The following CMIP variants were observed in gnomAD, a reference collection of about 807,000 sequenced individuals.
CMIP encodes the protein c-Maf inducing protein.
In CMIP, 13 loss-of-function variants were observed where a neutral mutation model predicts 97.3. The observed-to-expected ratio is 0.13, with a 90% CI of 0.09 to 0.21. The LOEUF (loss-of-function observed/expected upper bound fraction) is 0.21. CMIP is among the 10% of genes least tolerant of loss of function. The pLI is 1.00. For synonymous variants in CMIP, 538 were observed against 436.3 expected, an observed-to-expected ratio of 1.23 and a Z score of -2.91; for missense variants, 847 against 1,024.9, an observed-to-expected ratio of 0.83 and a Z score of 2.37.
intron 18 of CMIP, among the ~76,000 whole-genome samples, chr16:81,705,096 C>G (rs1907980687): frequency 6.6e-6 from 1 of 152,138 alleles, no homozygotes; most frequent in Admixed American, 6.5e-5. Flanking sequence ...AGGTTCTACC[C>G]TCACCCTAAT....
rs1028468217 is a variant in CMIP at position 81,645,438 on chromosome 16, A to T, written c.478-6765A>T. On this transcript the variant is annotated intron_variant, in intron 3 of 20. Transcript: ENST00000537098. ...CCCCTGCCTGGCGCGACGTGCTTCC[A>T]GTGCATTCTGAGTCACTCCTCTCCT... 1.8e-5 allele frequency: 27 copies of T among 1,510,300 alleles called. No individual in the cohort carries two copies. In the Admixed American group the frequency reaches 3.4e-4, roughly 19 times the overall value. 93.6% of individuals were successfully genotyped at this position (1,510,300 alleles called of 1,614,324 possible).
At chr16:81,697,604 G>A (rs1018477246) in intron 14 of CMIP, 1 of 152,222 alleles carries the variant, frequency 6.6e-6, no homozygotes, top group African/African-American at 2.4e-5. Flanking sequence ...TTGGCCTCTC[G>A]AGGTTACCGC....
At chr16:81,456,969 G>T (rs550089184) in intron 1 of CMIP, among the ~76,000 whole-genome samples, 2 of 152,254 alleles carry the variant, frequency 1.3e-5, no homozygotes, top group Admixed American at 1.3e-4. Flanking sequence ...TGAACCTGGG[G>T]TGGTCACCTC....
intron 7 of CMIP, among the ~76,000 whole-genome samples, chr16:81,669,780 C>T (rs1026281805): frequency 6.6e-6 from 1 of 152,132 alleles, no homozygotes; most frequent in African/African-American, 2.4e-5. Context: ...CTCTCACACA[C>T]CTCCTTCCAC....
intron 1 of CMIP, among the ~76,000 whole-genome samples, chr16:81,471,867 A>C (rs1907579769): frequency 6.6e-6 from 1 of 152,222 alleles, no homozygotes; most frequent in African/African-American, 2.4e-5. Flanking sequence ...GGGAGGACTC[A>C]CGTCCTGGAC....
intron 1 of CMIP, among the ~76,000 whole-genome samples, chr16:81,473,561 G>A (rs558235073): frequency 2.1e-5 from 3 of 145,482 alleles, no homozygotes; most frequent in South Asian, 2.1e-4. Context: ...AGCAGTTCCT[G>A]TCCTTTTGGT....
chr16:81,652,657 GGC>G lies in CMIP; in HGVS notation c.639+294_639+295del, dbSNP rs1280935122. Among the ~76,000 whole-genome samples the G allele has an allele frequency of 1.3e-5, 2 of 152,278 alleles. No homozygotes were observed. Among genetic ancestry groups the G allele is most frequent in the East Asian group, 3.9e-4 (2 of 5,186 alleles). ...CCCATCTCTGTCTTCCCCTAGCAGT[GGC>G]CCACATGAGCTCCAGGGGTCCAGGG... On this transcript the variant is annotated intron_variant, in intron 4 of 20. Coordinates refer to ENST00000537098, the MANE Select transcript of CMIP (RefSeq NM_198390.3). The surrounding 1 kb of genome is among the most constrained non-coding windows in gnomAD (Gnocchi z 5.2).
intron 1 of CMIP, among the ~76,000 whole-genome samples, chr16:81,572,557 G>A (rs1032100292): frequency 2.0e-5 from 3 of 152,194 alleles, no homozygotes; most frequent in African/African-American, 7.2e-5. Context: ...CTTCCCTGAC[G>A]GGAGTTAGGC....
At chr16:81,545,547 G>T (rs2090529648) in intron 1 of CMIP, among the ~76,000 whole-genome samples, 1 of 152,172 alleles carries the variant, frequency 6.6e-6, no homozygotes, top group Admixed American at 6.5e-5. Flanking sequence ...AGCTTATGTG[G>T]CGAGCTCCAG....
At chr16:81,598,823 T>C (rs2091607317) in intron 1 of CMIP, among the ~76,000 whole-genome samples, 1 of 151,908 alleles carries the variant, frequency 6.6e-6, no homozygotes, top group South Asian at 2.1e-4. Context: ...ACAAAAATTA[T>C]CTGGGCGTGG....
At position 81,494,806 on chromosome 16, in the gene CMIP, A is replaced by T. The variant is rs186341906; in HGVS notation, c.300+49265A>T. Among the ~76,000 whole-genome samples the T allele has an allele frequency of 3.7e-3, 561 of 152,332 alleles. 5 individuals are homozygous for T. Among genetic ancestry groups the T allele is most frequent in the African/African-American group, 0.013 (521 of 41,578 alleles). ...CCCAAACAACTCTGAATCTCTTTTC[A>T]TCATGAATATTATTAATAACAATAA... is the stretch of plus-strand genomic sequence containing the variant. On this transcript the variant is annotated intron_variant, in intron 1 of 20. Coordinates refer to ENST00000537098, the MANE Select transcript of CMIP (RefSeq NM_198390.3).
chr16:81,666,170 G>A (rs566621843), intron 7 of CMIP: 1 of 152,220 alleles, frequency 6.6e-6, no homozygotes, highest in Admixed American at 6.5e-5. Flanking sequence ...AAGGAAAGGT[G>A]CCCTGTTTGT....
chr16:81,673,061 A>T (rs2092697492), intron 9 of CMIP, among the ~76,000 whole-genome samples: 1 of 152,192 alleles, frequency 6.6e-6, no homozygotes. Context: ...GTGGGGTAGC[A>T]AGTGACCGGA....
intron 7 of CMIP, chr16:81,667,203 G>A (rs1128658): frequency 0.084 from 12,849 of 152,290 alleles, 611 homozygotes; most frequent in Non-Finnish European, 0.097. Context: ...TCCCTTTCAC[G>A]GATGAGCAAA....
chr16:81,558,879 G>A (rs879273508), intron 1 of CMIP, among the ~76,000 whole-genome samples: 3 of 152,172 alleles, frequency 2.0e-5, no homozygotes, highest in Non-Finnish European at 4.4e-5. Flanking sequence ...GTTCCCTTCA[G>A]CGTCACCTCC....
rs571788149 is a variant in CMIP at position 81,531,786 on chromosome 16, C to A, written c.301-75781C>A. On this transcript the variant is annotated intron_variant, in intron 1 of 20. Coordinates refer to ENST00000537098, the MANE Select transcript of CMIP (RefSeq NM_198390.3). ...AGACTGGCTGATTCAAACCATGTCA[C>A]CACCAGGAAGGGGGAAACAGAAGAT... Among the ~76,000 whole-genome samples, 7 of 152,310 alleles carry A rather than the reference C, an allele frequency of 4.6e-5. No homozygotes were observed. The South Asian group carries it at 1.5e-3, about 32-fold the overall frequency.
At chr16:81,538,330 G>T (rs878935386) in intron 1 of CMIP, among the ~76,000 whole-genome samples, 1 of 152,194 alleles carries the variant, frequency 6.6e-6, no homozygotes, top group South Asian at 2.1e-4. Flanking sequence ...GCCTGCAGTG[G>T]CCCAGTTGCA....
At chr16:81,511,587 G>C (rs1294043084) in intron 1 of CMIP, among the ~76,000 whole-genome samples, 1 of 152,100 alleles carries the variant, frequency 6.6e-6, no homozygotes, top group Non-Finnish European at 1.5e-5. Flanking sequence ...TTTACACAAG[G>C]TCTCACTCTG....
Position 81,620,860 on chromosome 16 carries a change from G to A in CMIP, c.427-16G>A. 6.2e-7 allele frequency: 1 copy of A among 1,613,940 alleles called. No homozygotes were observed. The highest frequency in any genetic ancestry group is 8.5e-7 in the Non-Finnish European group (1 of 1,179,842). On this transcript the variant is annotated splice_polypyrimidine_tract_variant and intron_variant, in intron 2 of 20. Transcript: ENST00000537098. ...GCTGATGACCGGACCTTGCTGTCCTGTTCTTGTCGTTACAGGCTGCCAATA... is the reference window on the plus strand; with the variant it reads ...GCTGATGACCGGACCTTGCTGTCCTATTCTTGTCGTTACAGGCTGCCAATA...
Sources: gnomAD v4.1 joint callset for allele counts (sites outside exome capture counted in the v4.1 genomes callset) on GRCh38, gnomAD v4.1.1 for gene constraint, Gnocchi (gnomAD v3.1) non-coding constraint, MANE v1.5 for transcripts, NCBI Gene and HGNC (gene_info 2026-07-23, HGNC 2026-07-21) for gene names.